TPRG1: variants seen among roughly 807,000 people sequenced by gnomAD.
TPRG1 encodes tumor protein p63 regulated 1, also known as tumor protein p63-regulated gene 1 protein.
In TPRG1, 29 loss-of-function variants were observed where a neutral mutation model predicts 29.3. The observed-to-expected ratio is 0.99, with a 90% CI of 0.74 to 1.35. The LOEUF (loss-of-function observed/expected upper bound fraction) is 1.35, where lower values mean the gene tolerates loss of function less well. Ranked by LOEUF, TPRG1 falls within the 40% of genes most tolerant of loss-of-function variation. The pLI is 0.00. For synonymous variants in TPRG1, 130 were observed against 116.8 expected (o/e 1.11, Z -0.73); for missense variants, 327 against 335.0 (o/e 0.98, Z 0.19).
At chr3:189,054,858 T>C (rs1715561623) in intron 4 of TPRG1, among the ~76,000 whole-genome samples, 1 of 152,098 alleles carries the variant, frequency 6.6e-6, no homozygotes, top group South Asian at 2.1e-4. Context: ...TTTAAAATAG[T>C]TTGAGAATTA....
At chr3:189,086,798 G>C (rs1717975187) in intron 4 of TPRG1, among the ~76,000 whole-genome samples, 1 of 152,116 alleles carries the variant, frequency 6.6e-6, no homozygotes, top group South Asian at 2.1e-4. Flanking sequence ...GAGAATGATA[G>C]TTTCCAGCTT....
chr3:189,227,428 T>C (rs1737922325), intron 3 of TPRG1, among the ~76,000 whole-genome samples: 1 of 152,230 alleles, frequency 6.6e-6, no homozygotes, highest in African/African-American at 2.4e-5. Context: ...CACAGGGCTT[T>C]GCTCAGTGTG....
chr3:189,308,707 G>C (rs1248366659), intron 4 of TPRG1, among the ~76,000 whole-genome samples: 2 of 152,142 alleles, frequency 1.3e-5, no homozygotes, highest in Non-Finnish European at 2.9e-5. Context: ...AATATAATGT[G>C]TACTTATTAG....
chr3:189,091,678 TTC>T (rs969654970), intron 4 of TPRG1, among the ~76,000 whole-genome samples: 12 of 152,214 alleles, frequency 7.9e-5, no homozygotes, highest in African/African-American at 4.8e-5. Flanking sequence ...TCAGTAGTTT[TTC>T]TCTCTCCTCC....
chr3:189,277,413 CT>C (rs1259515267), intron 4 of TPRG1, among the ~76,000 whole-genome samples: 1 of 152,112 alleles, frequency 6.6e-6, no homozygotes, highest in East Asian at 1.9e-4. Context: ...TTTGGGTGGT[CT>C]GATAGTTTGG....
intron 4 of TPRG1, among the ~76,000 whole-genome samples, chr3:189,054,774 T>C (rs1715551483): frequency 6.6e-6 from 1 of 152,036 alleles, no homozygotes; most frequent in African/African-American, 2.4e-5. Flanking sequence ...AGTGAAACAC[T>C]GTCTCTTAAA....
chr3:189,227,148 A>C (rs2108887665), intron 3 of TPRG1, among the ~76,000 whole-genome samples: 2 of 146,190 alleles, frequency 1.4e-5, no homozygotes, highest in South Asian at 4.5e-4. Context: ...TCCTGTCTTC[A>C]CAAAAAAAAA....
chr3:189,157,968 T>G (rs113809621), intron 5 of TPRG1, among the ~76,000 whole-genome samples: 39 of 152,314 alleles, frequency 2.6e-4, no homozygotes, highest in African/African-American at 9.1e-4. Flanking sequence ...AGCAAGTGCA[T>G]TTAGCAAGTG....
At chr3:189,293,209 G>T (rs1398625264) in intron 4 of TPRG1, among the ~76,000 whole-genome samples, 1 of 152,184 alleles carries the variant, frequency 6.6e-6, no homozygotes, top group Non-Finnish European at 1.5e-5. Flanking sequence ...TGATGTGGAG[G>T]CTCCTCTGGC....
intron 4 of TPRG1, among the ~76,000 whole-genome samples, chr3:189,083,966 T>C (rs1237952440): frequency 6.6e-6 from 1 of 151,934 alleles, no homozygotes; most frequent in Non-Finnish European, 1.5e-5. Flanking sequence ...TCACCAGAGA[T>C]TGGGAGTTTG....
chr3:189,010,473 C>T (rs1283255429), intron 3 of TPRG1, among the ~76,000 whole-genome samples: 1 of 151,726 alleles, frequency 6.6e-6, no homozygotes, highest in Admixed American at 6.6e-5. Context: ...TAGTAATAGC[C>T]ATGACTGGTG....
intron 4 of TPRG1, among the ~76,000 whole-genome samples, chr3:189,092,940 T>G (rs1718433095): frequency 6.6e-6 from 1 of 152,204 alleles, no homozygotes; most frequent in Non-Finnish European, 1.5e-5. Flanking sequence ...TCTCTGTTTT[T>G]AGTGTTCTCT....
chr3:189,138,345 G>C (rs1345951978), intron 3 of TPRG1, among the ~76,000 whole-genome samples: 1 of 152,188 alleles, frequency 6.6e-6, no homozygotes, highest in African/African-American at 2.4e-5. Flanking sequence ...ATGAGATAAA[G>C]TCAATGATTG....
At chr3:189,010,108 T>C (rs1460922406) in intron 3 of TPRG1, among the ~76,000 whole-genome samples, 1 of 152,190 alleles carries the variant, frequency 6.6e-6, no homozygotes, top group South Asian at 2.1e-4. Flanking sequence ...TCCATGTCCC[T>C]GCAAAGGACA....
chr3:189,160,810 T>C (rs1027950546), intron 5 of TPRG1, among the ~76,000 whole-genome samples: 3 of 152,274 alleles, frequency 2.0e-5, no homozygotes, highest in East Asian at 1.9e-4. Context: ...AAAATACTTA[T>C]CGTGTTCTTC....
intron 4 of TPRG1, among the ~76,000 whole-genome samples, chr3:189,080,159 T>A (rs1717494210): frequency 6.6e-6 from 1 of 152,228 alleles, no homozygotes; most frequent in African/African-American, 2.4e-5. Context: ...AGTTCAAACT[T>A]CTTTTAAGTT....
intron 4 of TPRG1, among the ~76,000 whole-genome samples, chr3:189,074,983 T>A (rs1717061707): frequency 6.7e-6 from 1 of 148,390 alleles, no homozygotes; most frequent in South Asian, 2.2e-4. Context: ...GGCTAATTTT[T>A]TGTATTTTTA....
intron 4 of TPRG1, among the ~76,000 whole-genome samples, chr3:189,279,232 T>C (rs1225120179): frequency 6.6e-6 from 1 of 152,142 alleles, no homozygotes; most frequent in Non-Finnish European, 1.5e-5. Flanking sequence ...TGCCAACCTT[T>C]TCCTGAAGAG....
At chr3:189,052,428 A>C (rs1194114764) in intron 4 of TPRG1, among the ~76,000 whole-genome samples, 2 of 152,224 alleles carry the variant, frequency 1.3e-5, no homozygotes, top group African/African-American at 2.4e-5. Flanking sequence ...CATAATCAAG[A>C]AATCAAAAAA....
Sources: gnomAD v4.1 joint callset for allele counts (sites outside exome capture counted in the v4.1 genomes callset) on GRCh38, gnomAD v4.1.1 for gene constraint, MANE v1.5 for transcripts, NCBI Gene and HGNC (gene_info 2026-07-23, HGNC 2026-07-21) for gene names.